IL12B: variants seen among roughly 807,000 people sequenced by gnomAD.
IL12B encodes interleukin-12 subunit beta.
Under a neutral mutation model 39.2 loss-of-function variants are expected in IL12B, and 27 were observed. The ratio of observed to expected loss-of-function variants is 0.69; its 90% CI spans 0.51 to 0.95. The LOEUF (loss-of-function observed/expected upper bound fraction) is 0.95. IL12B is among the 40% of genes least tolerant of loss of function. The pLI, the probability that IL12B is intolerant of heterozygous loss-of-function variation, is 0.00. For synonymous variants in IL12B, 142 were observed against 152.1 expected, an observed-to-expected ratio of 0.93 and a Z score of 0.49; for missense variants, 351 against 397.6, an observed-to-expected ratio of 0.88 and a Z score of 1.00.
At chr5:159,320,226 C>G in intron 5 of IL12B, 80 bp downstream of exon 5, 2 of 1,197,502 alleles carry the variant, frequency 1.7e-6, no homozygotes, top group Non-Finnish European at 2.5e-6. Context: ...AACCACCTAC[C>G]CCACAGTGCA....
In IL12B at chr5:159,319,483, CA is replaced by C. The variant is rs1428680735; in HGVS notation, c.698-591del. Among the ~76,000 whole-genome samples the C allele has an allele frequency of 2.6e-5, 4 of 152,334 alleles. No homozygotes were observed. In the East Asian group the frequency reaches 7.7e-4, roughly 29 times the overall value. On this transcript the variant is annotated intron_variant, in intron 5 of 7. Coordinates refer to ENST00000231228, the MANE Select transcript of IL12B (RefSeq NM_002187.3). ...ATGAAGGATACAGCAGTGAGTTTCA[CA>C]AAGACTCCTTCCTCAATTAGGTCTT...
chr5:159,320,816 T>G (rs1754073596), intron 4 of IL12B, among the ~76,000 whole-genome samples: 1 of 152,234 alleles, frequency 6.6e-6, no homozygotes, highest in African/African-American at 2.4e-5. Context: ...TTTCCCATTT[T>G]AATTATAAAA....
At chr5:159,316,370 C>G (rs1443969829) in intron 7 of IL12B, among the ~76,000 whole-genome samples, 1 of 152,232 alleles carries the variant, frequency 6.6e-6, no homozygotes, top group Non-Finnish European at 1.5e-5. Flanking sequence ...GAACAAGATT[C>G]TGAGTCCTGC....
chr5:159,327,415 C>T (rs573434311), intron 1 of IL12B, among the ~76,000 whole-genome samples: 9 of 152,288 alleles, frequency 5.9e-5, no homozygotes, highest in East Asian at 3.9e-4. Flanking sequence ...AATACAGAGG[C>T]GAACTTTCAG....
At chr5:159,324,730 T>G (rs1025497940) in intron 2 of IL12B, among the ~76,000 whole-genome samples, 4 of 152,208 alleles carry the variant, frequency 2.6e-5, no homozygotes, top group African/African-American at 9.7e-5. Flanking sequence ...AGCCCTTGCT[T>G]TAGAAGGTGG....
At chr5:159,326,825 GAGAA>G in intron 1 of IL12B, 43 bp from the exon 2 acceptor site, 5 of 1,165,646 alleles carry the variant, frequency 4.3e-6, no homozygotes, top group Non-Finnish European at 6.5e-6. Flanking sequence ...AGGAGGAAAA[GAGAA>G]GGAAGAGGAA....
At chr5:159,327,211 A>G (rs975068437) in intron 1 of IL12B, among the ~76,000 whole-genome samples, 1 of 152,208 alleles carries the variant, frequency 6.6e-6, no homozygotes, top group Non-Finnish European at 1.5e-5. Flanking sequence ...CAGTTGAGAG[A>G]GAAAAAAAGG....
intron 6 of IL12B, 27 bp from the exon 7 acceptor site, chr5:159,316,843 GA>G (rs759845005): frequency 7.4e-6 from 12 of 1,613,388 alleles, no homozygotes; most frequent in Middle Eastern, 1.6e-4. Flanking sequence ...AAGCTGTGAA[GA>G]CCCCTTGGCA....
At position 159,318,721 on chromosome 5, in the gene IL12B, T is replaced by G; in HGVS notation, c.855+15A>C. 6.2e-7 allele frequency: 1 copy of G among 1,613,782 alleles called. No individual in the cohort carries two copies. Among genetic ancestry groups the G allele is most frequent in the African/African-American group, 1.3e-5 (1 of 75,032 alleles). On this transcript the variant is annotated intron_variant, in intron 6 of 7. Transcript: ENST00000231228. ...AACTGACCAAGGAATATACTGCACC[T>G]GAATCACTTCTTACCTTTTCTCTCT...
chr5:159,319,354 C>A (rs967579448), intron 5 of IL12B, among the ~76,000 whole-genome samples: 13 of 152,170 alleles, frequency 8.5e-5, no homozygotes, highest in Non-Finnish European at 1.5e-4. Context: ...GCTTTTGGTG[C>A]GGACATGTCT....
At chr5:159,322,726 T>G (rs1417601853) in intron 3 of IL12B, among the ~76,000 whole-genome samples, 1 of 152,204 alleles carries the variant, frequency 6.6e-6, no homozygotes, top group African/African-American at 2.4e-5. Context: ...ATTCATTTTT[T>G]GAAGGCTATC....
intron 2 of IL12B, chr5:159,325,785 T>A (rs978300166): frequency 2.0e-5 from 3 of 152,172 alleles, no homozygotes; most frequent in African/African-American, 7.2e-5. Context: ...TCAATAAACA[T>A]TAACTATTAT....
At chr5:159,316,304 T>C (rs2113022440) in intron 7 of IL12B, among the ~76,000 whole-genome samples, 1 of 152,322 alleles carries the variant, frequency 6.6e-6, no homozygotes, top group African/African-American at 2.4e-5. Flanking sequence ...TAATATCTGA[T>C]TGTGTTACTT....
chr5:159,322,482 C>A lies in IL12B; in HGVS notation c.394G>T (p.Glu132Ter). Residue 132 changes from glutamate (E) to a stop codon, truncating the protein, a stop_gained, in exon 4 of 8, where the codon GAG becomes TAG. Transcript: ENST00000231228. LOFTEE classifies it high-confidence loss of function. ...EPKNKTFLRC[E>*]AKNYSGRFTC... The stretch of plus-strand genomic sequence containing the variant: ...AAACGTCCAGAATAATTCTTGGCCT[C>A]GCATCTTAGAAAGGTCTTATTTTTG... 6.2e-7 allele frequency: 1 copy of A among 1,613,484 alleles called. No individual in the cohort carries two copies. The highest frequency in any genetic ancestry group is 8.5e-7 in the Non-Finnish European group (1 of 1,179,532).
intron 1 of IL12B, among the ~76,000 whole-genome samples, chr5:159,327,786 C>A (rs1754217202): frequency 6.6e-6 from 1 of 152,076 alleles, no homozygotes; most frequent in Admixed American, 6.5e-5. Context: ...ATATATCCAC[C>A]ATGAAATAGT....
In IL12B at chr5:159,318,614, T is replaced by A. The variant is rs1326624601; in HGVS notation, c.855+122A>T. The stretch of plus-strand genomic sequence containing the variant: ...CTGCCTAAAGATGAATTTCTCAGAA[T>A]GTATCCCTGTTGTTAAGTGATACAT... On this transcript the variant is annotated intron_variant, in intron 6 of 7. Coordinates refer to ENST00000231228, the MANE Select transcript of IL12B (RefSeq NM_002187.3). 3.2e-6 allele frequency: 3 copies of A among 937,716 alleles called. No homozygotes were observed. The East Asian group carries it at 7.2e-5, about 22-fold the overall frequency. The allele number at this position is 937,716 out of a possible 1,614,324, so 58.1% of individuals were successfully genotyped here. A position where few individuals can be genotyped will look rare whatever the true frequency, so the allele number is the denominator to read the frequency against.
intron 4 of IL12B, among the ~76,000 whole-genome samples, chr5:159,322,071 G>A (rs1754103149): frequency 6.6e-6 from 1 of 152,086 alleles, no homozygotes; most frequent in Non-Finnish European, 1.5e-5. Context: ...TTGTAGCTTT[G>A]AATTCTCCGT....
chr5:159,316,713 C>T lies in IL12B; in HGVS notation c.959G>A (p.Ser320Asn). 1 of 1,613,846 alleles carries T rather than the reference C, an allele frequency of 6.2e-7. No individual in the cohort carries two copies. Among genetic ancestry groups the T allele is most frequent in the Non-Finnish European group, 8.5e-7 (1 of 1,179,950 alleles). Residue 320 changes from serine (S) to asparagine (N), a missense_variant, in exon 7 of 8, where the codon AGC becomes AAC. By Grantham distance (46) the Ser-to-Asn change is conservative. Transcript: ENST00000231228. Reference protein sequence around the residue: ...AQDRYYSSSWSEWASVPCS With the variant: ...AQDRYYSSSWNEWASVPCS The stretch of plus-strand genomic sequence containing the variant: ...ACTGCAGGGCACAGATGCCCATTCG[C>T]TCCAAGATGAGCTATAGTAGCGGTC...
chr5:159,320,528 C>A lies in IL12B; in HGVS notation c.483-8G>T. 6.2e-7 allele frequency: 1 copy of A among 1,611,924 alleles called. No homozygotes were observed. The highest frequency in any genetic ancestry group is 1.1e-5 in the South Asian group (1 of 90,956). ...CCTTGGGGGTCAGAAGAGCTGAAGT[C>A]AAAGACAGAAATTAGCCTGTGTTAC... is the stretch of plus-strand genomic sequence containing the variant. On this transcript the variant is annotated splice_region_variant and splice_polypyrimidine_tract_variant and intron_variant, in intron 4 of 7. Transcript: ENST00000231228.
Sources: gnomAD v4.1 joint callset for allele counts (sites outside exome capture counted in the v4.1 genomes callset) on GRCh38, gnomAD v4.1.1 for gene constraint, MANE v1.5 for transcripts, NCBI Gene and HGNC (gene_info 2026-07-23, HGNC 2026-07-21) for gene names.